PCDH19: variants seen among roughly 807,000 people sequenced by gnomAD.
PCDH19 encodes the protein protocadherin 19.
In PCDH19, 6 loss-of-function variants were observed where a neutral mutation model predicts 46.2. That is an observed-to-expected ratio of 0.13 (90% confidence interval 0.07 to 0.26). PCDH19 has a LOEUF of 0.26. Ranked by LOEUF, PCDH19 falls within the 10% of genes least tolerant of loss-of-function variation. PCDH19 has a pLI of 1.00. For missense variants in PCDH19, 740 were observed against 972.3 expected (o/e 0.76, Z 3.18); for synonymous variants, 481 against 415.7 (o/e 1.16, Z -1.91).
At chrX:100,372,631 C>T (rs758815720) in intron 3 of PCDH19, among the ~76,000 whole-genome samples, 1 of 112,605 alleles carries the variant, frequency 8.9e-6, no homozygotes, top group East Asian at 2.8e-4. Flanking sequence ...AATTGCTGAA[C>T]AGGCATTGAA....
intron 4 of PCDH19, among the ~76,000 whole-genome samples, chrX:100,343,807 C>T (rs1205837684): frequency 8.9e-6 from 1 of 111,840 alleles, no homozygotes; most frequent in African/African-American, 3.3e-5. Context: ...CCTAATAGAC[C>T]TATGCCTCTG....
rs759301442 is a variant in PCDH19, at chrX:100,366,261, T to C, written c.2617-15557A>G. On this transcript the variant is annotated intron_variant, in intron 3 of 5. Transcript: ENST00000373034. ...CCCACTGGGGATTGTTTGATCGTAG[T>C]GAAATTATCTAAAAGGTAAATTTTC... Among the ~76,000 whole-genome samples the C allele has an allele frequency of 5.4e-5, 6 of 112,105 alleles. No individual in the cohort carries two copies. The South Asian group carries it at 2.3e-3, about 42-fold the overall frequency.
Position 100,294,867 on chromosome X carries a change from A to G in PCDH19, c.*1410T>C, listed in dbSNP as rs1394829759. ...AAGGATCTACAGTGTGTTAATTTAA[A>G]AAGGGTGTATTCCTAGCCTACAGCA... On this transcript the variant is annotated 3_prime_UTR_variant, in exon 6 of 6. Coordinates refer to ENST00000373034, the MANE Select transcript of PCDH19 (RefSeq NM_001184880.2). The G allele has an allele frequency of 8.9e-6, 1 of 112,598 alleles. No individual in the cohort carries two copies. Among genetic ancestry groups the G allele is most frequent in the African/African-American group, 3.2e-5 (1 of 30,954 alleles). 9.3% of individuals were successfully genotyped at this position (112,598 alleles called of 1,213,427 possible). A position where few individuals can be genotyped will look rare whatever the true frequency, so the allele number is the denominator to read the frequency against.
In PCDH19 at chrX:100,318,809, T is replaced by G. The variant is rs1213751965; in HGVS notation, c.2849-21934A>C. On this transcript the variant is annotated intron_variant, in intron 5 of 5. Transcript: ENST00000373034. The stretch of plus-strand genomic sequence containing the variant: ...AATACTGGATGCCTATGCTCCCAAA[T>G]GGAGGGGAAGGTGCACGCAGATAGA... Among the ~76,000 whole-genome samples, 5 of 110,519 alleles carry G rather than the reference T, an allele frequency of 4.5e-5. No individual in the cohort carries two copies. The Admixed American group carries it at 4.9e-4, about 11-fold the overall frequency.
Position 100,295,726 on chromosome X carries a change from CA to C in PCDH19, c.*550del, listed in dbSNP as rs1022492372. On this transcript the variant is annotated 3_prime_UTR_variant, in exon 6 of 6. Coordinates refer to ENST00000373034, the MANE Select transcript of PCDH19 (RefSeq NM_001184880.2). ...ACAGCTAGCAAAAGGGTTTTTAAAG[CA>C]GGGGTGTCCACAGCAAAGTAGCGGC... 2 of 113,048 alleles carry C rather than the reference CA, an allele frequency of 1.8e-5. No homozygotes were observed. The highest frequency in any genetic ancestry group is 6.5e-5 in the African/African-American group (2 of 30,623). 9.3% of individuals were successfully genotyped at this position (113,048 alleles called of 1,213,427 possible).
At position 100,407,364 on chromosome X, in the gene PCDH19, C is replaced by T; in HGVS notation, c.1234G>A (p.Asp412Asn). Residue 412 changes from aspartate (D) to asparagine (N), a missense_variant, in exon 1 of 6, where the codon GAC becomes AAC. Around this residue, in one of 5 missense-constraint regions of PCDH19, gnomAD observed 186 missense variants for 319.9 expected, o/e 0.58. Coordinates refer to ENST00000373034, the MANE Select transcript of PCDH19 (RefSeq NM_001184880.2). The part of the protein sequence containing the change: ...FSTILVDGRL[D>N]REQHDQYNLT... Reference sequence around the variant, plus strand: ...TTGTATTGGTCGTGCTGCTCGCGGTCCAGCCGTCCGTCCACCAGAATAGTG... The same window carrying T: ...TTGTATTGGTCGTGCTGCTCGCGGTTCAGCCGTCCGTCCACCAGAATAGTG... 1 of 1,212,352 alleles carries T rather than the reference C, an allele frequency of 8.2e-7. No individual in the cohort carries two copies.
Position 100,293,275 on chromosome X carries a change from T to C in PCDH19, c.*3002A>G, listed in dbSNP as rs1924484046. ...AGGTGCAATTTTGGATGAAGAAGTA[T>C]ACCTGTCTGGGGAATTGCCAAAGCA... On this transcript the variant is annotated 3_prime_UTR_variant, in exon 6 of 6. Transcript: ENST00000373034. The C allele has an allele frequency of 8.9e-6, 1 of 112,180 alleles. No homozygotes were observed. The highest frequency in any genetic ancestry group is 9.5e-5 in the Admixed American group (1 of 10,578). The allele number at this position is 112,180 out of a possible 1,213,427, so 9.2% of individuals were successfully genotyped here.
At chrX:100,355,345 T>G (rs1338665019) in intron 3 of PCDH19, among the ~76,000 whole-genome samples, 1 of 111,761 alleles carries the variant, frequency 8.9e-6, no homozygotes, top group Non-Finnish European at 1.9e-5. Flanking sequence ...TATTACCCCA[T>G]GCAGATTTTG....
At chrX:100,387,090 A>G (rs1190218471) in intron 3 of PCDH19, among the ~76,000 whole-genome samples, 4 of 111,588 alleles carry the variant, frequency 3.6e-5, no homozygotes, top group African/African-American at 9.8e-5. Context: ...TACAATATCT[A>G]AGTAGTTCTG....
intron 3 of PCDH19, among the ~76,000 whole-genome samples, chrX:100,399,359 C>A (rs992927540): frequency 8.1e-5 from 9 of 111,568 alleles, no homozygotes; most frequent in African/African-American, 2.9e-4. Context: ...TGTCCCATTG[C>A]ACCCTATATT....
intron 4 of PCDH19, among the ~76,000 whole-genome samples, chrX:100,348,018 A>T (rs1171252801): frequency 9.8e-6 from 1 of 102,209 alleles, no homozygotes; most frequent in East Asian, 3.1e-4. Flanking sequence ...GTGAGCCAAG[A>T]TCACACCACT....
chrX:100,297,676 A>G (rs1226445346), intron 5 of PCDH19, among the ~76,000 whole-genome samples: 1 of 112,017 alleles, frequency 8.9e-6, no homozygotes, highest in Non-Finnish European at 1.9e-5. Context: ...TTTTAACTCC[A>G]TCCTGGAAGA....
At chrX:100,390,918 A>G (rs938535138) in intron 3 of PCDH19, among the ~76,000 whole-genome samples, 9 of 112,172 alleles carry the variant, frequency 8.0e-5, no homozygotes, top group African/African-American at 2.9e-4. Flanking sequence ...AAAGAGAATG[A>G]CAATCAGTGA....
intron 3 of PCDH19, among the ~76,000 whole-genome samples, chrX:100,397,966 C>T (rs1185787043): frequency 9.5e-6 from 1 of 105,418 alleles, no homozygotes; most frequent in African/African-American, 3.4e-5. Flanking sequence ...ACCTCCTTTC[C>T]TCTCTCTTCA....
chrX:100,335,145 G>A (rs1926046202), intron 5 of PCDH19, among the ~76,000 whole-genome samples: 1 of 111,115 alleles, frequency 9.0e-6, no homozygotes, highest in Admixed American at 9.6e-5. Flanking sequence ...AAATGTAAAT[G>A]TTGCCTTGGA....
Position 100,402,754 on chromosome X carries a change from T to TC in PCDH19, c.2385dup (p.Thr796AspfsTer20). 1 of 1,210,751 alleles carries TC rather than the reference T, an allele frequency of 8.3e-7. No individual in the cohort carries two copies. The highest frequency in any genetic ancestry group is 1.1e-6 in the Non-Finnish European group (1 of 894,474). On this transcript the variant is annotated frameshift_variant, in exon 3 of 6. Transcript: ENST00000373034. LOFTEE classifies it high-confidence loss of function. ...CAACTGACAACGTTCATCTTGTCTGTCTCCTCCACATCCCGGGGTACCAGG... is the reference window on the plus strand; with the variant it reads ...CAACTGACAACGTTCATCTTGTCTGTCCTCCTCCACATCCCGGGGTACCAGG...
intron 3 of PCDH19, among the ~76,000 whole-genome samples, chrX:100,379,342 CACACA>C (rs869308498): frequency 0.14 from 595 of 4,278 alleles, 7 homozygotes; most frequent in Middle Eastern, 1. Context: ...CACACACACA[CACACA>C]CATTTCCTCC....
chrX:100,402,593 G>A lies in PCDH19; in HGVS notation c.2547C>T (p.Tyr849=). 7 of 1,211,520 alleles carry A rather than the reference G, an allele frequency of 5.8e-6. No homozygotes were observed. Among genetic ancestry groups the A allele is most frequent in the Non-Finnish European group, 7.8e-6 (7 of 895,256 alleles). ...NTRNTSANHI[Y]HHSFNSQGPQ... Reference sequence around the variant, plus strand: ...GCCCCTGGCTGTTGAAAGAGTGATGGTAGATGTGGTTAGCACTGGTGTTGC... The same window carrying A: ...GCCCCTGGCTGTTGAAAGAGTGATGATAGATGTGGTTAGCACTGGTGTTGC... The change falls in exon 3 of 6, where the codon TAC becomes TAT. Residue 849 remains tyrosine (Y), a synonymous_variant. Transcript: ENST00000373034.
At chrX:100,339,770 C>T (rs890858478) in intron 5 of PCDH19, among the ~76,000 whole-genome samples, 61 of 111,667 alleles carry the variant, frequency 5.5e-4, no homozygotes, top group African/African-American at 1.9e-3. Flanking sequence ...GGCAATCACA[C>T]AAGTTGAAAA....
Sources: allele counts gnomAD v4.1 joint callset (sites outside exome capture counted in the v4.1 genomes callset), GRCh38; gene constraint gnomAD v4.1.1; regional missense constraint gnomAD v4.1.1; transcripts MANE v1.5; gene names NCBI Gene and HGNC (gene_info 2026-07-23, HGNC 2026-07-21).